MTMR8: variants seen among roughly 807,000 people sequenced by gnomAD.
MTMR8 encodes myotubularin related protein 8.
MTMR8 carries 65 observed loss-of-function variants against 39.3 expected under a neutral mutation model. That is an observed-to-expected ratio of 1.65 (90% CI 1.35 to 2.03). The LOEUF is 2.03. MTMR8 is among the 30% of genes most tolerant of loss of function. The pLI, the probability that MTMR8 is intolerant of heterozygous loss-of-function variation, is 0.00. For missense variants in MTMR8, 777 were observed against 538.9 expected, an observed-to-expected ratio of 1.44 and a Z score of -4.37; for synonymous variants, 245 against 185.2, an observed-to-expected ratio of 1.32 and a Z score of -2.62.
At chrX:64,330,781 C>T (rs185306912) in intron 11 of MTMR8, among the ~76,000 whole-genome samples, 4 of 111,711 alleles carry the variant, frequency 3.6e-5, no homozygotes, top group Admixed American at 1.9e-4. Flanking sequence ...GGAACAGCTA[C>T]TATTCAGCTC....
intron 1 of MTMR8, among the ~76,000 whole-genome samples, chrX:64,364,957 T>C (rs1477997363): frequency 9.0e-6 from 1 of 111,452 alleles, no homozygotes; most frequent in Non-Finnish European, 1.9e-5. Context: ...GAGAACTTCA[T>C]GATGCATGCA....
At chrX:64,278,908 T>G (rs1931944057) in intron 12 of MTMR8, among the ~76,000 whole-genome samples, 2 of 111,828 alleles carry the variant, frequency 1.8e-5, no homozygotes, top group African/African-American at 3.3e-5. Flanking sequence ...GGCTGCAGAA[T>G]AGCAAAGATT....
At chrX:64,269,085 G>C (rs1274882509) in intron 13 of MTMR8, 42 bp from the exon 14 acceptor site, 2 of 1,160,389 alleles carry the variant, frequency 1.7e-6, no homozygotes, top group Middle Eastern at 2.6e-4. Flanking sequence ...ATTAGAAACA[G>C]GAGAAAAACT....
intron 1 of MTMR8, among the ~76,000 whole-genome samples, chrX:64,392,955 A>G (rs764086472): frequency 1.8e-5 from 2 of 111,798 alleles, no homozygotes; most frequent in African/African-American, 6.5e-5. Context: ...GAAACTGAGA[A>G]AAAAACAGAC....
intron 12 of MTMR8, chrX:64,305,705 C>A: frequency 1.9e-6 from 1 of 522,473 alleles, no homozygotes; most frequent in Non-Finnish European, 3.6e-6. Context: ...AAGAGAGGGC[C>A]CAGTCTGTAT....
rs148865335 is a variant in MTMR8 at position 64,366,790 on chromosome X, A to T, written c.25-7263T>A. On this transcript the variant is annotated intron_variant, in intron 1 of 13. Coordinates refer to ENST00000374852, the MANE Select transcript of MTMR8 (RefSeq NM_017677.4). ...ACCGAAGGAGATAGAGACAAAAAAAACTTCAAAAAAATCAATGAATCCAGG... is the reference window on the plus strand; with the variant it reads ...ACCGAAGGAGATAGAGACAAAAAAATCTTCAAAAAAATCAATGAATCCAGG... 6.8e-3 allele frequency among the ~76,000 whole-genome samples: 763 copies of T among 111,735 alleles called. 12 individuals are homozygous for T. Among genetic ancestry groups the T allele is most frequent in the African/African-American group, 0.024 (731 of 30,771 alleles).
Position 64,280,263 on chromosome X carries a change from C to T in MTMR8, c.1482-9190G>A, listed in dbSNP as rs369873669. ...ACAATAAAGAAAGAAAACTTCAGGCCAATATCCCTGATGAACATTGATGCA... is the reference window on the plus strand; with the variant it reads ...ACAATAAAGAAAGAAAACTTCAGGCTAATATCCCTGATGAACATTGATGCA... On this transcript the variant is annotated intron_variant, in intron 12 of 13. Coordinates refer to ENST00000374852, the MANE Select transcript of MTMR8 (RefSeq NM_017677.4). 3.6e-5 allele frequency among the ~76,000 whole-genome samples: 4 copies of T among 111,893 alleles called. No individual in the cohort carries two copies. In the East Asian group the frequency reaches 1.1e-3, roughly 32 times the overall value.
intron 12 of MTMR8, among the ~76,000 whole-genome samples, chrX:64,293,344 T>TA (rs1411138486): frequency 9.0e-6 from 1 of 111,113 alleles, no homozygotes; most frequent in African/African-American, 3.3e-5. Context: ...TATCAACAGT[T>TA]ATGCTGCACC....
intron 12 of MTMR8, among the ~76,000 whole-genome samples, chrX:64,310,746 C>T (rs1037098503): frequency 2.7e-5 from 3 of 110,388 alleles, no homozygotes; most frequent in Non-Finnish European, 3.8e-5. Context: ...TGACAACATG[C>T]GGTATTTGGT....
chrX:64,306,893 C>T (rs188979024), intron 12 of MTMR8, among the ~76,000 whole-genome samples: 84 of 111,011 alleles, frequency 7.6e-4, no homozygotes, highest in East Asian at 5.4e-3. Flanking sequence ...TCAGCTGAGG[C>T]CTTCTCCTCT....
intron 12 of MTMR8, among the ~76,000 whole-genome samples, chrX:64,275,158 A>G (rs1023565316): frequency 2.7e-5 from 3 of 111,377 alleles, no homozygotes; most frequent in Admixed American, 9.6e-5. Context: ...ATCACATTGT[A>G]CCCCTGAAAT....
intron 10 of MTMR8, among the ~76,000 whole-genome samples, chrX:64,335,179 T>G (rs1387628158): frequency 9.1e-6 from 1 of 110,220 alleles, no homozygotes; most frequent in Non-Finnish European, 1.9e-5. Flanking sequence ...TCACCCAGGC[T>G]GGAGTGCAAT....
intron 12 of MTMR8, among the ~76,000 whole-genome samples, chrX:64,285,733 C>G (rs1921145306): frequency 9.0e-6 from 1 of 111,372 alleles, no homozygotes; most frequent in African/African-American, 3.3e-5. Context: ...CTACTGGGTA[C>G]ATAACGAAAT....
intron 12 of MTMR8, among the ~76,000 whole-genome samples, chrX:64,319,115 G>T (rs1323618425): frequency 8.9e-6 from 1 of 112,408 alleles, no homozygotes; most frequent in African/African-American, 3.2e-5. Flanking sequence ...ATAATTGGTG[G>T]CAATGAAAAA....
intron 10 of MTMR8, 49 bp downstream of exon 10, chrX:64,336,030 C>G: frequency 1.0e-6 from 1 of 988,936 alleles, no homozygotes; most frequent in Non-Finnish European, 1.4e-6. Context: ...TATACTTCAC[C>G]CTAATGAACT....
At chrX:64,324,494 G>A (rs752927985) in intron 12 of MTMR8, among the ~76,000 whole-genome samples, 42 of 110,840 alleles carry the variant, frequency 3.8e-4, no homozygotes, top group Middle Eastern at 4.6e-3. Flanking sequence ...ACCAGCCTGG[G>A]CAACATAGTG....
intron 5 of MTMR8, among the ~76,000 whole-genome samples, chrX:64,349,195 G>A (rs948324659): frequency 8.9e-6 from 1 of 111,740 alleles, no homozygotes; most frequent in Non-Finnish European, 1.9e-5. Context: ...GATCTACAGC[G>A]TCTTAAGAAA....
chrX:64,353,428 G>T (rs988963029), intron 4 of MTMR8, among the ~76,000 whole-genome samples: 1 of 111,882 alleles, frequency 8.9e-6, no homozygotes, highest in Non-Finnish European at 1.9e-5. Context: ...TAAATATGGA[G>T]AAAGTATCTG....
At chrX:64,281,637 A>G (rs1932016557) in intron 12 of MTMR8, among the ~76,000 whole-genome samples, 1 of 112,021 alleles carries the variant, frequency 8.9e-6, no homozygotes, top group African/African-American at 3.2e-5. Context: ...GAAAATAGGC[A>G]TGGGCAAAGA....
Sources: gnomAD v4.1 joint callset for allele counts (sites outside exome capture counted in the v4.1 genomes callset) on GRCh38, gnomAD v4.1.1 for gene constraint, MANE v1.5 for transcripts, NCBI Gene and HGNC (gene_info 2026-07-23, HGNC 2026-07-21) for gene names.